MROH2B: variants seen among roughly 807,000 people sequenced by gnomAD.
MROH2B encodes maestro heat like repeat family member 2B.
In MROH2B, 177 loss-of-function variants were observed where a neutral mutation model predicts 208.6. The ratio of observed to expected loss-of-function variants is 0.85; its 90% CI spans 0.75 to 0.96. The LOEUF (loss-of-function observed/expected upper bound fraction) is 0.96, where lower values mean the gene tolerates loss of function less well. MROH2B is among the 40% of genes least tolerant of loss of function. The pLI is 0.00. For missense variants in MROH2B, 2,002 were observed against 1,878.7 expected, an observed-to-expected ratio of 1.07 and a Z score of -1.21; for synonymous variants, 728 against 659.0, an observed-to-expected ratio of 1.10 and a Z score of -1.60.
intron 24 of MROH2B, among the ~76,000 whole-genome samples, chr5:41,028,061 A>T (rs569696922): frequency 2.0e-4 from 30 of 152,210 alleles, no homozygotes; most frequent in Admixed American, 1.4e-3. Flanking sequence ...TGGGGGAGGG[A>T]TAGCATTAGG....
rs556947265 is a variant in MROH2B at position 41,009,563 on chromosome 5, T to C, written c.3294-157A>G. ...CTGGGGATAAGAAAGATGTTTTACATAACAATTCAGCATTCTAGCCTTGGG... is the reference window on the plus strand; with the variant it reads ...CTGGGGATAAGAAAGATGTTTTACACAACAATTCAGCATTCTAGCCTTGGG... On this transcript the variant is annotated intron_variant, in intron 31 of 41. Transcript: ENST00000399564. Among the ~76,000 whole-genome samples the C allele has an allele frequency of 2.6e-5, 4 of 152,314 alleles. No individual in the cohort carries two copies. In the South Asian group the frequency reaches 6.2e-4, roughly 24 times the overall value.
At chr5:41,048,063 C>T (rs911483544) in intron 16 of MROH2B, 12 of 466,864 alleles carry the variant, frequency 2.6e-5, no homozygotes, top group African/African-American at 2.4e-4. Flanking sequence ...AATAGAATTT[C>T]TCTAGATACA....
At chr5:41,019,642 T>C (rs1402225398) in intron 24 of MROH2B, among the ~76,000 whole-genome samples, 1 of 152,232 alleles carries the variant, frequency 6.6e-6, no homozygotes, top group Non-Finnish European at 1.5e-5. Flanking sequence ...CTCCATTTAC[T>C]TTTAAATAAA....
intron 24 of MROH2B, among the ~76,000 whole-genome samples, chr5:41,020,663 G>A (rs1397406496): frequency 6.6e-6 from 1 of 151,894 alleles, no homozygotes; most frequent in Non-Finnish European, 1.5e-5. Context: ...TTTGCCCAAA[G>A]GTGTTTATCA....
intron 5 of MROH2B, 85 bp from the exon 6 acceptor site, chr5:41,061,809 G>A: frequency 2.2e-6 from 3 of 1,377,348 alleles, no homozygotes; most frequent in Non-Finnish European, 2.9e-6. Flanking sequence ...GAGTGCTGAT[G>A]ATTAGTAAAT....
At chr5:41,015,632 G>T (rs1431770057) in intron 28 of MROH2B, among the ~76,000 whole-genome samples, 154 bp from the exon 29 acceptor site, 1 of 152,152 alleles carries the variant, frequency 6.6e-6, no homozygotes, top group Non-Finnish European at 1.5e-5. Context: ...CTACATGCTG[G>T]GCACCATGCA....
intron 28 of MROH2B, among the ~76,000 whole-genome samples, 175 bp downstream of exon 28, chr5:41,017,675 A>C (rs1741999606): frequency 6.6e-6 from 1 of 152,028 alleles, no homozygotes; most frequent in African/African-American, 2.4e-5. Context: ...AGAAAGAGAG[A>C]GAGAGACAGA....
intron 5 of MROH2B, among the ~76,000 whole-genome samples, chr5:41,063,839 T>C (rs1554052300): frequency 6.6e-6 from 1 of 152,132 alleles, no homozygotes; most frequent in Non-Finnish European, 1.5e-5. Context: ...CAAACACTGC[T>C]TCCTAGGAAT....
At position 41,065,441 on chromosome 5, in the gene MROH2B, G is replaced by A. The variant is rs1307358470; in HGVS notation, c.251C>T (p.Ala84Val). ...CATCACAGAGTTGAAATCATGTGCAGCAAGAGACACCAAAACCTCACCAGC... is the reference window on the plus strand; with the variant it reads ...CATCACAGAGTTGAAATCATGTGCAACAAGAGACACCAAAACCTCACCAGC... ...MLAGEVLVSL[A>V]AHDFNSVMYE... The change falls in exon 4 of 42, where the codon GCT becomes GTT. Residue 84 changes from alanine to valine, a missense_variant. Transcript: ENST00000399564. The A allele has an allele frequency of 2.5e-6, 4 of 1,613,318 alleles. No individual in the cohort carries two copies. In the African/African-American group the frequency reaches 5.3e-5, roughly 22 times the overall value.
intron 28 of MROH2B, 49 bp from the exon 29 acceptor site, chr5:41,015,527 G>T (rs1365364234): frequency 6.6e-7 from 1 of 1,525,322 alleles, no homozygotes; most frequent in Non-Finnish European, 9.0e-7. Context: ...GACCTGATAG[G>T]GGTTGAAGAG....
At chr5:41,032,496 C>A (rs1742605319) in intron 24 of MROH2B, among the ~76,000 whole-genome samples, 1 of 152,038 alleles carries the variant, frequency 6.6e-6, no homozygotes, top group South Asian at 2.1e-4. Context: ...TTTTAGTCCT[C>A]ATATATTAAT....
intron 24 of MROH2B, among the ~76,000 whole-genome samples, chr5:41,024,817 GA>G (rs1426152885): frequency 6.6e-6 from 1 of 152,128 alleles, no homozygotes; most frequent in African/African-American, 2.4e-5. Context: ...TAAAAGAACA[GA>G]AATTATAACA....
chr5:41,059,905 T>C (rs73750234), intron 6 of MROH2B, among the ~76,000 whole-genome samples: 3,330 of 152,296 alleles, frequency 0.022, 127 homozygotes, highest in African/African-American at 0.075. Flanking sequence ...TACCCAAATC[T>C]ATAAGTCCAA....
intron 37 of MROH2B, among the ~76,000 whole-genome samples, chr5:41,002,435 C>A (rs952086966): frequency 1.6e-4 from 24 of 152,076 alleles, no homozygotes; most frequent in Non-Finnish European, 1.6e-4. Flanking sequence ...TTCTGTTCTA[C>A]CATTTCATTC....
chr5:41,039,843 G>A (rs886594946), intron 19 of MROH2B, among the ~76,000 whole-genome samples: 2 of 152,214 alleles, frequency 1.3e-5, no homozygotes, highest in African/African-American at 4.8e-5. Flanking sequence ...TAGGTAGTGA[G>A]GATTGGGGGA....
intron 14 of MROH2B, 28 bp from the exon 15 acceptor site, chr5:41,049,169 C>T: frequency 6.2e-7 from 1 of 1,602,870 alleles, no homozygotes; most frequent in Non-Finnish European, 8.5e-7. Context: ...TTTTCATCAT[C>T]ACTGCAGGGG....
At chr5:41,028,468 A>C (rs2150164158) in intron 24 of MROH2B, among the ~76,000 whole-genome samples, 1 of 152,244 alleles carries the variant, frequency 6.6e-6, no homozygotes, top group Non-Finnish European at 1.5e-5. Flanking sequence ...TTTCCTACCC[A>C]CCACTGAGAA....
chr5:41,005,016 C>T (rs1035124794), intron 35 of MROH2B, 96 bp from the exon 36 acceptor site: 72 of 1,466,648 alleles, frequency 4.9e-5, no homozygotes, highest in Non-Finnish European at 6.5e-5. Context: ...AAAGAGAGGA[C>T]CCCACTGCTT....
chr5:41,045,227 T>C (rs1743079867), intron 18 of MROH2B, among the ~76,000 whole-genome samples: 1 of 152,226 alleles, frequency 6.6e-6, no homozygotes, highest in Non-Finnish European at 1.5e-5. Context: ...TGGCTGTGGG[T>C]CCTTTAATCA....
Sources: gnomAD v4.1 joint callset for allele counts (sites outside exome capture counted in the v4.1 genomes callset) on GRCh38, gnomAD v4.1.1 for gene constraint, MANE v1.5 for transcripts, NCBI Gene and HGNC (gene_info 2026-07-23, HGNC 2026-07-21) for gene names.